CLMN: variants seen among roughly 807,000 people sequenced by gnomAD.
CLMN encodes the protein calmin, also known as calmin (calponin-like, transmembrane).
Under a neutral mutation model 92.7 loss-of-function variants are expected in CLMN, and 57 were observed. That is an observed-to-expected ratio of 0.61 (90% CI 0.50 to 0.77). CLMN has a LOEUF of 0.77. Ranked by LOEUF, CLMN falls within the 30% of genes least tolerant of loss-of-function variation. The pLI is 0.00. For synonymous variants in CLMN, 466 were observed against 470.6 expected (o/e 0.99, Z 0.13); for missense variants, 1,158 against 1,237.5 (o/e 0.94, Z 0.96).
At chr14:95,264,418 G>A (rs1402553550) in intron 1 of CLMN, among the ~76,000 whole-genome samples, 1 of 152,136 alleles carries the variant, frequency 6.6e-6, no homozygotes, top group African/African-American at 2.4e-5. Flanking sequence ...CTTAGCAGCT[G>A]TACAACCCTG....
At chr14:95,210,579 ATCT>A (rs1595571373) in intron 7 of CLMN, 104 bp downstream of exon 7, 3 of 1,167,572 alleles carry the variant, frequency 2.6e-6, no homozygotes, top group East Asian at 2.6e-5. Flanking sequence ...AGGAGAAAAA[ATCT>A]TCTTCATTAG....
Position 95,210,661 on chromosome 14 carries a change from G to C in CLMN, c.802+25C>G, listed in dbSNP as rs750863944. The stretch of plus-strand genomic sequence containing the variant: ...GTACATTTGTAAAAAAAAATTATTA[G>C]AAAGAAAGAGAGAACCACTGCTACC... On this transcript the variant is annotated intron_variant, in intron 7 of 12. Coordinates refer to ENST00000298912, the MANE Select transcript of CLMN (RefSeq NM_024734.4). 6.9e-6 allele frequency: 11 copies of C among 1,591,532 alleles called. No homozygotes were observed. The South Asian group carries it at 1.3e-4, about 18-fold the overall frequency.
In CLMN at chr14:95,194,064, A is replaced by G. The variant is rs1299481144; in HGVS notation, c.2770-145T>C. 1 of 1,465,970 alleles carries G rather than the reference A, an allele frequency of 6.8e-7. No individual in the cohort carries two copies. The highest frequency in any genetic ancestry group is 2.0e-4 in the Middle Eastern group (1 of 4,940). The allele number at this position is 1,465,970 out of a possible 1,614,324, so 90.8% of individuals were successfully genotyped here. A position where few individuals can be genotyped will look rare whatever the true frequency, so the allele number is the denominator to read the frequency against. On this transcript the variant is annotated intron_variant, in intron 11 of 12. Transcript: ENST00000298912. This position sits in a 1 kb window ranked among gnomAD's most constrained non-coding sequence, Gnocchi z 4.0. ...ACCGCCAGCGTCTAGATCCAAAATC[A>G]AAGTGCTAAACAATATACATTCCTC...
At chr14:95,224,037 T>G (rs533000797) in intron 2 of CLMN, among the ~76,000 whole-genome samples, 182 bp from the exon 3 acceptor site, 43 of 152,306 alleles carry the variant, frequency 2.8e-4, no homozygotes, top group African/African-American at 1.0e-3. Flanking sequence ...CAGGCAGCGG[T>G]GCACAGCCAC....
At chr14:95,319,672 A>G in intron 1 of CLMN, 39 bp downstream of exon 1, 1 of 1,532,928 alleles carries the variant, frequency 6.5e-7, no homozygotes, top group Non-Finnish European at 8.8e-7. Context: ...GGGCCCCCCG[A>G]GCGCCCAGCC....
chr14:95,207,727 GGA>G (rs1462084886), intron 8 of CLMN, among the ~76,000 whole-genome samples: 1 of 152,200 alleles, frequency 6.6e-6, no homozygotes, highest in African/African-American at 2.4e-5. Context: ...TTCCAGCCCA[GGA>G]ATTCCTGCTT....
chr14:95,315,832 G>A (rs1454665935), intron 1 of CLMN, among the ~76,000 whole-genome samples: 2 of 152,332 alleles, frequency 1.3e-5, no homozygotes, highest in South Asian at 2.1e-4. Context: ...ACAGTTTCAC[G>A]CTCCTGAAAG....
intron 1 of CLMN, among the ~76,000 whole-genome samples, chr14:95,300,056 C>T (rs919609825): frequency 2.6e-5 from 4 of 152,252 alleles, no homozygotes; most frequent in Non-Finnish European, 5.9e-5. Context: ...CAGAGCGAGA[C>T]GCTCAATCAG....
chr14:95,276,660 A>G (rs747383625), intron 1 of CLMN, among the ~76,000 whole-genome samples: 29 of 151,912 alleles, frequency 1.9e-4, no homozygotes, highest in Non-Finnish European at 3.2e-4. Flanking sequence ...GCAACTGTCC[A>G]CTTCTCCATC....
chr14:95,288,640 A>G (rs950893600), intron 1 of CLMN, among the ~76,000 whole-genome samples: 9 of 152,214 alleles, frequency 5.9e-5, no homozygotes, highest in African/African-American at 2.2e-4. Flanking sequence ...TGCCACTTTC[A>G]AAAACTGTTT....
At position 95,183,391 on chromosome 14, in the gene CLMN, A is replaced by G. The variant is rs1345764684; in HGVS notation, c.*8173T>C. 3 of 152,268 alleles carry G rather than the reference A, an allele frequency of 2.0e-5. No individual in the cohort carries two copies. Among genetic ancestry groups the G allele is most frequent in the Non-Finnish European group, 4.4e-5 (3 of 68,050 alleles). The allele number at this position is 152,268 out of a possible 1,614,324, so 9.4% of individuals were successfully genotyped here. A position where few individuals can be genotyped will look rare whatever the true frequency, so the allele number is the denominator to read the frequency against. On this transcript the variant is annotated 3_prime_UTR_variant, in exon 13 of 13. Coordinates refer to ENST00000298912, the MANE Select transcript of CLMN (RefSeq NM_024734.4). ...TGGTAGCTATTGCAAACAGAATACA[A>G]GTATCAAATGATATTTTGCTATTTT...
At chr14:95,299,655 A>C (rs1342969084) in intron 1 of CLMN, among the ~76,000 whole-genome samples, 1 of 152,174 alleles carries the variant, frequency 6.6e-6, no homozygotes, top group Non-Finnish European at 1.5e-5. Flanking sequence ...AAAGAGGCAG[A>C]GCCAAGATTC....
At chr14:95,309,292 T>C (rs938275606) in intron 1 of CLMN, among the ~76,000 whole-genome samples, 3 of 152,162 alleles carry the variant, frequency 2.0e-5, no homozygotes, top group Admixed American at 1.3e-4. Flanking sequence ...ACTGTGATAT[T>C]TCACATCAAG....
At chr14:95,229,410 A>T (rs1897812252) in intron 2 of CLMN, among the ~76,000 whole-genome samples, 1 of 152,212 alleles carries the variant, frequency 6.6e-6, no homozygotes, top group Non-Finnish European at 1.5e-5. Flanking sequence ...AGCCGGGCCA[A>T]AGAATGCAAG....
At chr14:95,274,448 T>C (rs923476207) in intron 1 of CLMN, among the ~76,000 whole-genome samples, 3 of 152,078 alleles carry the variant, frequency 2.0e-5, no homozygotes, top group African/African-American at 7.2e-5. Flanking sequence ...ATCATGTTAA[T>C]TGTGGTCAAG....
At chr14:95,257,110 A>G (rs143794975) in intron 1 of CLMN, among the ~76,000 whole-genome samples, 149 of 152,338 alleles carry the variant, frequency 9.8e-4, no homozygotes, top group African/African-American at 3.3e-3. Flanking sequence ...GACGAGGCCC[A>G]TTATCCATAA....
intron 5 of CLMN, 104 bp from the exon 6 acceptor site, chr14:95,213,513 C>T (rs968609286): frequency 4.7e-6 from 5 of 1,055,458 alleles, no homozygotes; most frequent in Non-Finnish European, 6.8e-6. Context: ...GGGACCGGCT[C>T]AGGCAGGATT....
At chr14:95,312,416 C>A (rs1413184483) in intron 1 of CLMN, among the ~76,000 whole-genome samples, 3 of 152,174 alleles carry the variant, frequency 2.0e-5, no homozygotes, top group Non-Finnish European at 4.4e-5. Context: ...GGCTGGGCTG[C>A]CACACATACA....
At chr14:95,231,240 A>G (rs980663017) in intron 1 of CLMN, among the ~76,000 whole-genome samples, 1 of 142,846 alleles carries the variant, frequency 7.0e-6, no homozygotes, top group African/African-American at 2.7e-5. Context: ...TCTGTCACCC[A>G]GGCTGGAGTG....
Sources: gnomAD v4.1 joint callset for allele counts (sites outside exome capture counted in the v4.1 genomes callset) on GRCh38, gnomAD v4.1.1 for gene constraint, Gnocchi (gnomAD v3.1) non-coding constraint, MANE v1.5 for transcripts, NCBI Gene and HGNC (gene_info 2026-07-23, HGNC 2026-07-21) for gene names.